ATXN7: variants seen among roughly 807,000 people sequenced by gnomAD.
ATXN7 encodes ataxin-7.
Under a neutral mutation model 70.5 loss-of-function variants are expected in ATXN7, and 12 were observed. That is an observed-to-expected ratio of 0.17 (90% CI 0.11 to 0.28). ATXN7 has a LOEUF of 0.28. Ranked by LOEUF, ATXN7 falls within the 10% of genes least tolerant of loss-of-function variation. The probability of loss-of-function intolerance (pLI) is 1.00; values close to 1 mark genes in which losing one functional copy is unlikely to be tolerated. For missense variants in ATXN7, 1,256 were observed against 1,131.7 expected (o/e 1.11, Z -1.58); for synonymous variants, 498 against 448.7 (o/e 1.11, Z -1.39).
In ATXN7 at chr3:63,996,347, G is replaced by A; in HGVS notation, c.2525G>A (p.Ser842Asn). The change falls in exon 12 of 13, where the codon AGC becomes AAC. Residue 842 changes from serine to asparagine, a missense_variant. Physicochemically the swap from Ser to Asn is conservative, Grantham distance 46. Coordinates refer to ENST00000674280, the MANE Select transcript of ATXN7 (RefSeq NM_001377405.1). ...GGAAAGAAAAGAAAGTGCTCACCCA[G>A]CTCGAGCAGCATCAACAACAGCAGC... ...LIGKKRKCSP[S>N]SSSINNSSSK... 6.2e-7 allele frequency: 1 copy of A among 1,614,138 alleles called. No homozygotes were observed. Among genetic ancestry groups the A allele is most frequent in the Non-Finnish European group, 8.5e-7 (1 of 1,180,030 alleles).
chr3:63,863,937 A>T lies in ATXN7; in HGVS notation c.-332A>T. The T allele has an allele frequency of 2.9e-6, 1 of 339,044 alleles. No homozygotes were observed. The highest frequency in any genetic ancestry group is 3.9e-6 in the Non-Finnish European group (1 of 257,838). The allele number at this position is 339,044 out of a possible 1,614,324, so 21.0% of individuals were successfully genotyped here. A position where few individuals can be genotyped will look rare whatever the true frequency, so the allele number is the denominator to read the frequency against. On this transcript the variant is annotated 5_prime_UTR_variant, in exon 1 of 13. An upstream open reading frame in the 5' UTR loses its in-frame stop. Coordinates refer to ENST00000674280, the MANE Select transcript of ATXN7 (RefSeq NM_001377405.1). ...CCGCGGCCGCCTGCTCCGACGCCTG[A>T]GCCGCGCCGCGCCGCGCCGCCGCCG...
intron 5 of ATXN7, among the ~76,000 whole-genome samples, chr3:63,967,510 A>T (rs1188382122): frequency 6.6e-6 from 1 of 152,172 alleles, no homozygotes; most frequent in Non-Finnish European, 1.5e-5. Flanking sequence ...CTTAAAATGT[A>T]GGTTTTTAAA....
At chr3:63,903,160 C>T (rs1289022364) in intron 2 of ATXN7, among the ~76,000 whole-genome samples, 3 of 151,790 alleles carry the variant, frequency 2.0e-5, no homozygotes, top group African/African-American at 7.3e-5. Flanking sequence ...TTTGGGAGGC[C>T]GAGGCGGGAG....
At chr3:63,977,242 T>C (rs1393158895) in intron 5 of ATXN7, among the ~76,000 whole-genome samples, 1 of 152,234 alleles carries the variant, frequency 6.6e-6, no homozygotes, top group African/African-American at 2.4e-5. Context: ...TCAAATTGTT[T>C]CTTAGTATAT....
chr3:63,947,983 G>T (rs1314907444), intron 4 of ATXN7, among the ~76,000 whole-genome samples: 1 of 152,140 alleles, frequency 6.6e-6, no homozygotes, highest in Admixed American at 6.5e-5. Context: ...CCAGGGTAAG[G>T]GCTGGAGTTC....
chr3:63,867,624 C>T (rs1436837528), intron 1 of ATXN7, among the ~76,000 whole-genome samples: 1 of 152,078 alleles, frequency 6.6e-6, no homozygotes, highest in Non-Finnish European at 1.5e-5. Context: ...CTTTGAGAGG[C>T]CAAGGCGGGT....
At chr3:63,898,828 T>C (rs1004550929) in intron 2 of ATXN7, among the ~76,000 whole-genome samples, 3 of 152,170 alleles carry the variant, frequency 2.0e-5, no homozygotes, top group African/African-American at 2.4e-5. Context: ...TCCAAAAGTG[T>C]GCTCTTGTTT....
intron 2 of ATXN7, among the ~76,000 whole-genome samples, chr3:63,900,247 T>G (rs1703586094): frequency 6.6e-6 from 1 of 152,214 alleles, no homozygotes; most frequent in Non-Finnish European, 1.5e-5. Context: ...TCAACTATCT[T>G]ACATACTTAG....
In ATXN7 at chr3:63,942,037, G is replaced by C. The variant is rs545523501; in HGVS notation, c.395-10342G>C. On this transcript the variant is annotated intron_variant, in intron 4 of 12. Coordinates refer to ENST00000674280, the MANE Select transcript of ATXN7 (RefSeq NM_001377405.1). ...TAGAAATATATCCAACAATGGAGCC[G>C]AGAGTCCTAGCATCTCAGGAAACCT... is the stretch of plus-strand genomic sequence containing the variant. Among the ~76,000 whole-genome samples the C allele has an allele frequency of 2.0e-5, 3 of 152,246 alleles. No individual in the cohort carries two copies. In the South Asian group the frequency reaches 6.2e-4, roughly 32 times the overall value.
At chr3:63,869,907 G>A (rs1438747501) in intron 1 of ATXN7, among the ~76,000 whole-genome samples, 1 of 152,148 alleles carries the variant, frequency 6.6e-6, no homozygotes, top group East Asian at 1.9e-4. Context: ...CAATGGGGTT[G>A]CATTCTCTAT....
At position 63,984,529 on chromosome 3, in the gene ATXN7, T is replaced by C. The variant is rs1052160717; in HGVS notation, c.1095+1508T>C. Reference sequence around the variant, plus strand: ...TCATGATCACAACTTGCCATTCTCCTTCTGCGCTCTTCCTGCCTACCTGAC... The same window carrying C: ...TCATGATCACAACTTGCCATTCTCCCTCTGCGCTCTTCCTGCCTACCTGAC... On this transcript the variant is annotated intron_variant, in intron 8 of 12. Coordinates refer to ENST00000674280, the MANE Select transcript of ATXN7 (RefSeq NM_001377405.1). 2.0e-5 allele frequency among the ~76,000 whole-genome samples: 3 copies of C among 152,098 alleles called. No homozygotes were observed. In the East Asian group the frequency reaches 5.8e-4, roughly 29 times the overall value.
chr3:63,952,247 G>T, intron 4 of ATXN7, 132 bp from the exon 5 acceptor site: 1 of 528,306 alleles, frequency 1.9e-6, no homozygotes. Context: ...TAATAGTGGT[G>T]GTGTACCACA....
chr3:63,976,630 G>T (rs993437772), intron 5 of ATXN7, among the ~76,000 whole-genome samples: 1 of 152,156 alleles, frequency 6.6e-6, no homozygotes, highest in African/African-American at 2.4e-5. Flanking sequence ...AAGAAAAGAA[G>T]ATTTTAACCA....
At chr3:63,899,474 T>C (rs939720022) in intron 2 of ATXN7, among the ~76,000 whole-genome samples, 4 of 151,862 alleles carry the variant, frequency 2.6e-5, no homozygotes, top group Non-Finnish European at 5.9e-5. Flanking sequence ...GAATTTTGAT[T>C]TAAAAAAACA....
At chr3:63,966,196 A>G (rs1399641270) in intron 5 of ATXN7, among the ~76,000 whole-genome samples, 1 of 152,170 alleles carries the variant, frequency 6.6e-6, no homozygotes. Flanking sequence ...GTGTTCTGTC[A>G]TACAAGTACA....
intron 5 of ATXN7, among the ~76,000 whole-genome samples, chr3:63,978,732 A>G (rs2075433773): frequency 1.3e-5 from 2 of 152,362 alleles, no homozygotes; most frequent in South Asian, 2.1e-4. Context: ...AGCTAGGATA[A>G]TAATTTTGTC....
At chr3:63,979,552 C>G (rs1230471357) in intron 5 of ATXN7, among the ~76,000 whole-genome samples, 1 of 152,192 alleles carries the variant, frequency 6.6e-6, no homozygotes, top group Non-Finnish European at 1.5e-5. Flanking sequence ...CAGAGCTCTG[C>G]AGATGAATGA....
chr3:63,868,397 C>T (rs1702498484), intron 1 of ATXN7, among the ~76,000 whole-genome samples: 1 of 152,144 alleles, frequency 6.6e-6, no homozygotes, highest in Non-Finnish European at 1.5e-5. Flanking sequence ...GTATAAAAGT[C>T]TTAGCTCCTC....
intron 8 of ATXN7, among the ~76,000 whole-genome samples, chr3:63,985,009 T>C (rs887234740): frequency 2.0e-5 from 3 of 152,230 alleles, no homozygotes; most frequent in African/African-American, 7.2e-5. Flanking sequence ...GTATATACTA[T>C]GTTGTCTTCA....
Sources: allele counts gnomAD v4.1 joint callset (sites outside exome capture counted in the v4.1 genomes callset), GRCh38; gene constraint gnomAD v4.1.1; transcripts MANE v1.5; gene names NCBI Gene and HGNC (gene_info 2026-07-23, HGNC 2026-07-21).